CD300A: variants seen among roughly 807,000 people sequenced by gnomAD.
CD300A encodes CD300a molecule.
CD300A carries 22 observed loss-of-function variants against 33.6 expected under a neutral mutation model. That is an observed-to-expected ratio of 0.66 (90% CI 0.47 to 0.94). The LOEUF (loss-of-function observed/expected upper bound fraction) is 0.94, where lower values mean the gene tolerates loss of function less well. CD300A is among the 40% of genes least tolerant of loss of function. CD300A has a pLI of 0.00. For synonymous variants in CD300A, 136 were observed against 148.1 expected (o/e 0.92, Z 0.59); for missense variants, 326 against 360.5 (o/e 0.90, Z 0.77).
In CD300A at chr17:74,473,425, T is replaced by C. The variant is rs542799779; in HGVS notation, c.41-111T>C. ...CGCTCCTGGGTGGACAAGGCCTCTC[T>C]GCCTGCCGCTGCCTCCTCCACACCC... On this transcript the variant is annotated intron_variant, in intron 1 of 6. Coordinates refer to ENST00000360141, the MANE Select transcript of CD300A (RefSeq NM_007261.4). 122 of 1,000,180 alleles carry C rather than the reference T, an allele frequency of 1.2e-4. No homozygotes were observed. The African/African-American group carries it at 1.8e-3, about 15-fold the overall frequency. 62.0% of individuals were successfully genotyped at this position (1,000,180 alleles called of 1,614,324 possible). A position where few individuals can be genotyped will look rare whatever the true frequency, so the allele number is the denominator to read the frequency against.
rs185999694 is a variant in CD300A, at chr17:74,477,115, C to G, written c.534-321C>G. Reference sequence around the variant, plus strand: ...GGTATATTGGCTCATGCCTGTCATCCCAGCATTTTGGGAGGCTGAGGCAGG... The same window carrying G: ...GGTATATTGGCTCATGCCTGTCATCGCAGCATTTTGGGAGGCTGAGGCAGG... On this transcript the variant is annotated intron_variant, in intron 3 of 6. Transcript: ENST00000360141. Among the ~76,000 whole-genome samples, 389 of 152,118 alleles carry G rather than the reference C, an allele frequency of 2.6e-3. 2 individuals carry two copies. The highest frequency in any genetic ancestry group is 6.6e-3 in the Admixed American group (101 of 15,270).
rs1906969141 is a variant in CD300A at position 74,482,712 on chromosome 17, TTC to T, written c.774+881_774+882del. ...TTCCTTCCTTCCTTTCTTTCTTTCT[TTC>T]TTTCTTTCTTTCTTTCTTTGGAATC... On this transcript the variant is annotated intron_variant, in intron 6 of 6. Transcript: ENST00000360141. 1.5e-5 allele frequency among the ~76,000 whole-genome samples: 2 copies of T among 130,150 alleles called. 1 individual carries two copies. The highest frequency in any genetic ancestry group is 3.1e-5 in the Non-Finnish European group (2 of 65,162). The allele number at this position is 130,150 out of a possible 152,430, so 85.4% of individuals were successfully genotyped here.
intron 1 of CD300A, chr17:74,467,014 T>C (rs1030259539): frequency 4.3e-5 from 58 of 1,352,084 alleles, no homozygotes; most frequent in Non-Finnish European, 5.3e-5. Flanking sequence ...AAAAGGGACC[T>C]TTTAGGTTTT....
chr17:74,482,732 T>TTTCTTTCTTTCTTTCTTTCTC (rs1336360956), intron 6 of CD300A, among the ~76,000 whole-genome samples: 5 of 133,026 alleles, frequency 3.8e-5, no homozygotes, highest in African/African-American at 1.9e-4. Flanking sequence ...CTTTCTTTCT[T>TTTCTTTCTTTCTTTCTTTCTC]TGGAATCTCG....
At position 74,484,178 on chromosome 17, in the gene CD300A, G is replaced by A. The variant is rs1416751539; in HGVS notation, c.*52G>A. The A allele has an allele frequency of 6.2e-7, 1 of 1,602,290 alleles. No individual in the cohort carries two copies. Among genetic ancestry groups the A allele is most frequent in the Non-Finnish European group, 8.5e-7 (1 of 1,172,758 alleles). On this transcript the variant is annotated 3_prime_UTR_variant, in exon 7 of 7. Transcript: ENST00000360141. ...CTCTCATGGGCCCCAGGAAGTCCAG[G>A]GACAGCTCCCTTATACCTGGCCCAC...
At chr17:74,474,201 T>A (rs1906310734) in intron 2 of CD300A, among the ~76,000 whole-genome samples, 2 of 151,558 alleles carry the variant, frequency 1.3e-5, no homozygotes, top group African/African-American at 2.4e-5. Flanking sequence ...GGGGGCCAGA[T>A]GGGAAGCTGC....
intron 3 of CD300A, 43 bp from the exon 4 acceptor site, chr17:74,477,393 A>G (rs1238265924): frequency 5.4e-6 from 7 of 1,292,210 alleles, no homozygotes; most frequent in Non-Finnish European, 7.7e-6. Context: ...TAAGTTGGAG[A>G]AGGCAAGTTG....
chr17:74,477,943 G>A (rs112302595), intron 4 of CD300A, among the ~76,000 whole-genome samples: 2,890 of 152,242 alleles, frequency 0.019, 49 homozygotes, highest in African/African-American at 0.042. Flanking sequence ...GTGTCTATAA[G>A]ATAAAATAAA....
At chr17:74,478,314 C>T (rs905301589) in intron 4 of CD300A, among the ~76,000 whole-genome samples, 3 of 152,214 alleles carry the variant, frequency 2.0e-5, no homozygotes, top group Admixed American at 6.5e-5. Flanking sequence ...CTGGTGTCCT[C>T]ATCTGCCTTC....
intron 4 of CD300A, among the ~76,000 whole-genome samples, chr17:74,478,600 G>A (rs149720331): frequency 1.9e-4 from 29 of 152,362 alleles, no homozygotes; most frequent in African/African-American, 6.7e-4. Flanking sequence ...ATCCCTGGCC[G>A]AGGTCAAGTG....
chr17:74,481,061 T>TC (rs1906809900), intron 4 of CD300A, among the ~76,000 whole-genome samples: 1 of 152,186 alleles, frequency 6.6e-6, no homozygotes, highest in South Asian at 2.1e-4. Context: ...GCTGGAATCT[T>TC]TCTATTTCTC....
At chr17:74,481,632 C>T in intron 5 of CD300A, 94 bp from the exon 6 acceptor site, 3 of 890,874 alleles carry the variant, frequency 3.4e-6, no homozygotes, top group Non-Finnish European at 5.3e-6. Context: ...CTGAGGTGCT[C>T]AGAGCATAGA....
chr17:74,471,100 G>T (rs1906071422), intron 1 of CD300A, among the ~76,000 whole-genome samples: 1 of 152,160 alleles, frequency 6.6e-6, no homozygotes, highest in African/African-American at 2.4e-5. Context: ...GTGTGCACCA[G>T]CACACCTGGC....
intron 1 of CD300A, 53 bp downstream of exon 1, chr17:74,466,796 G>GGCAGGGCC: frequency 6.4e-7 from 1 of 1,559,338 alleles, no homozygotes; most frequent in Non-Finnish European, 8.7e-7. Context: ...GGGTGCGAGG[G>GGCAGGGCC]GCAGGGCCGC....
intron 1 of CD300A, 27 bp from the exon 2 acceptor site, chr17:74,473,509 G>T: frequency 6.3e-7 from 1 of 1,592,030 alleles, no homozygotes; most frequent in Non-Finnish European, 8.6e-7. Flanking sequence ...CTGAGGAGGA[G>T]CTGGGACTCT....
chr17:74,478,989 G>T (rs1032962346), intron 4 of CD300A, among the ~76,000 whole-genome samples: 3 of 152,048 alleles, frequency 2.0e-5, no homozygotes, highest in Non-Finnish European at 4.4e-5. Flanking sequence ...AGCCCCTTTC[G>T]GTTTCCTTTG....
intron 5 of CD300A, 31 bp from the exon 6 acceptor site, chr17:74,481,695 G>T: frequency 6.6e-7 from 1 of 1,521,100 alleles, no homozygotes; most frequent in South Asian, 1.2e-5. Flanking sequence ...GGGCTCCGTG[G>T]ACACCCACCT....
intron 1 of CD300A, among the ~76,000 whole-genome samples, chr17:74,468,384 G>A (rs1346413142): frequency 6.6e-6 from 1 of 152,152 alleles, no homozygotes; most frequent in Middle Eastern, 3.2e-3. Context: ...CCAAACTGGA[G>A]TGCGGTGGTG....
intron 6 of CD300A, among the ~76,000 whole-genome samples, chr17:74,482,828 A>T (rs544406310): frequency 6.6e-6 from 1 of 150,560 alleles, no homozygotes; most frequent in African/African-American, 2.5e-5. Context: ...CTCCTGCCTC[A>T]GCCTCCAGAG....
Sources: gnomAD v4.1 joint callset for allele counts (sites outside exome capture counted in the v4.1 genomes callset) on GRCh38, gnomAD v4.1.1 for gene constraint, MANE v1.5 for transcripts, NCBI Gene and HGNC (gene_info 2026-07-23, HGNC 2026-07-21) for gene names.